Variants in DCC observed in about 807,000 individuals in gnomAD.
The protein encoded by DCC is netrin receptor DCC.
A neutral mutation model predicts 172.5 loss-of-function variants in DCC; 58 were observed. The ratio of observed to expected loss-of-function variants is 0.34; its 90% CI spans 0.27 to 0.42. DCC has a LOEUF of 0.42. Ranked by LOEUF, DCC falls within the 10% of genes least tolerant of loss-of-function variation. The pLI is 1.00. For missense variants in DCC, 1,740 were observed against 1,791.0 expected, an observed-to-expected ratio of 0.97 and a Z score of 0.51; for synonymous variants, 709 against 644.5, an observed-to-expected ratio of 1.10 and a Z score of -1.52.
At chr18:53,308,511 C>T (rs2057229046) in intron 13 of DCC, among the ~76,000 whole-genome samples, 1 of 152,110 alleles carries the variant, frequency 6.6e-6, no homozygotes, top group Admixed American at 6.6e-5. Context: ...CCCACTAATG[C>T]TAACTCAATA....
intron 7 of DCC, among the ~76,000 whole-genome samples, chr18:53,095,375 G>A (rs1364723229): frequency 6.6e-6 from 1 of 152,118 alleles, no homozygotes; most frequent in East Asian, 1.9e-4. Context: ...ATTTGAGAGG[G>A]AAAAATCTTT....
chr18:52,891,351 T>G (rs2039647856), intron 2 of DCC, among the ~76,000 whole-genome samples: 1 of 152,108 alleles, frequency 6.6e-6, no homozygotes, highest in South Asian at 2.1e-4. Context: ...TCTATTACAT[T>G]AGTTTTGTTA....
At chr18:53,463,629 T>C (rs529936430) in intron 24 of DCC, among the ~76,000 whole-genome samples, 1 of 152,312 alleles carries the variant, frequency 6.6e-6, no homozygotes, top group African/African-American at 2.4e-5. Context: ...TTGAGGTAGA[T>C]GCTATCATTC....
At chr18:53,309,974 A>ATATATATATG (rs1377135602) in intron 13 of DCC, among the ~76,000 whole-genome samples, 71 of 147,998 alleles carry the variant, frequency 4.8e-4, no homozygotes, top group African/African-American at 1.6e-3. Flanking sequence ...GTATATATAT[A>ATATATATATG]TATATATACT....
chr18:52,783,321 C>CTATTTTT (rs1568100450), intron 2 of DCC, among the ~76,000 whole-genome samples: 1 of 62,122 alleles, frequency 1.6e-5, no homozygotes, highest in African/African-American at 6.3e-5. Context: ...TATACTACTA[C>CTATTTTT]TCTTTTTTTT....
At chr18:52,777,772 A>G (rs865932570) in intron 2 of DCC, among the ~76,000 whole-genome samples, 1 of 148,978 alleles carries the variant, frequency 6.7e-6, no homozygotes, top group African/African-American at 2.5e-5. Context: ...TCTCCAGGGA[A>G]AAAAAAAGAT....
intron 12 of DCC, among the ~76,000 whole-genome samples, chr18:53,225,503 G>C (rs931818864): frequency 6.6e-6 from 1 of 152,138 alleles, no homozygotes; most frequent in Non-Finnish European, 1.5e-5. Context: ...ACAGACAATT[G>C]AATCTTGGTA....
chr18:52,605,354 G>A (rs940138201), intron 1 of DCC, among the ~76,000 whole-genome samples: 6 of 152,110 alleles, frequency 3.9e-5, no homozygotes, highest in African/African-American at 1.2e-4. Context: ...TTTTAAAGTG[G>A]TACAGCTAAA....
At chr18:52,644,965 G>A (rs1035194536) in intron 1 of DCC, among the ~76,000 whole-genome samples, 8 of 151,272 alleles carry the variant, frequency 5.3e-5, no homozygotes, top group African/African-American at 1.5e-4. Context: ...GTAGGAGGCA[G>A]CTTTTTCTTT....
At chr18:52,824,596 C>T (rs985810092) in intron 2 of DCC, among the ~76,000 whole-genome samples, 2 of 151,988 alleles carry the variant, frequency 1.3e-5, no homozygotes, top group Non-Finnish European at 2.9e-5. Flanking sequence ...GGAAGAAAAA[C>T]TAGAAGGTTA....
At chr18:52,664,619 C>T (rs1353253935) in intron 1 of DCC, among the ~76,000 whole-genome samples, 2 of 151,416 alleles carry the variant, frequency 1.3e-5, no homozygotes, top group Admixed American at 6.6e-5. Context: ...TACAGGCGCC[C>T]GCCACCATGC....
intron 3 of DCC, among the ~76,000 whole-genome samples, chr18:52,916,273 G>A (rs1273964374): frequency 1.3e-5 from 2 of 150,306 alleles, no homozygotes; most frequent in Non-Finnish European, 1.5e-5. Context: ...AGAAAAACTT[G>A]CTGTTCACAC....
intron 11 of DCC, among the ~76,000 whole-genome samples, chr18:53,215,029 A>G (rs1000037640): frequency 1.3e-5 from 2 of 152,202 alleles, no homozygotes; most frequent in African/African-American, 2.4e-5. Context: ...CATAAGGTTT[A>G]ATTTTACACA....
intron 5 of DCC, among the ~76,000 whole-genome samples, chr18:52,926,781 CTATATA>C (rs1460910717): frequency 6.8e-6 from 1 of 147,168 alleles, no homozygotes; most frequent in African/African-American, 2.5e-5. Context: ...AAATTAGTCT[CTATATA>C]TATACACACA....
At chr18:52,546,588 G>T (rs916087294) in intron 1 of DCC, among the ~76,000 whole-genome samples, 1 of 151,988 alleles carries the variant, frequency 6.6e-6, no homozygotes, top group Non-Finnish European at 1.5e-5. Context: ...AGGCATCTGG[G>T]CCTAGTCCCT....
chr18:52,903,785 A>T lies in DCC; in HGVS notation c.413-2259A>T, dbSNP rs192538806. Among the ~76,000 whole-genome samples, 9 of 152,278 alleles carry T rather than the reference A, an allele frequency of 5.9e-5. No homozygotes were observed. In the East Asian group the frequency reaches 1.5e-3, roughly 26 times the overall value. On this transcript the variant is annotated intron_variant, in intron 2 of 28. Coordinates refer to ENST00000442544, the MANE Select transcript of DCC (RefSeq NM_005215.4). ...ATAAGCCTCATATCTGTCACTACTC[A>T]TTGCAGCTTTGCTTTGTGTGGTAGA... is the stretch of plus-strand genomic sequence containing the variant.
chr18:53,171,710 C>T (rs969000815), intron 8 of DCC, among the ~76,000 whole-genome samples: 4 of 151,854 alleles, frequency 2.6e-5, no homozygotes, highest in African/African-American at 4.8e-5. Context: ...TATACCTGTT[C>T]AGCAAAAGAC....
At chr18:53,380,239 G>T (rs1568093942) in intron 15 of DCC, among the ~76,000 whole-genome samples, 1 of 152,160 alleles carries the variant, frequency 6.6e-6, no homozygotes, top group Non-Finnish European at 1.5e-5. Context: ...CTGAGCATGT[G>T]CAGGAAAATA....
chr18:53,305,935 A>G (rs1486798580), intron 13 of DCC, among the ~76,000 whole-genome samples: 3 of 152,226 alleles, frequency 2.0e-5, no homozygotes, highest in South Asian at 4.1e-4. Flanking sequence ...GTCTTAATAC[A>G]TGTATCATAA....
Sources: gnomAD v4.1 joint callset for allele counts (sites outside exome capture counted in the v4.1 genomes callset) on GRCh38, gnomAD v4.1.1 for gene constraint, MANE v1.5 for transcripts, NCBI Gene and HGNC (gene_info 2026-07-23, HGNC 2026-07-21) for gene names.